The following HYCC1 variants were observed in gnomAD, a reference collection of about 807,000 sequenced individuals.
The protein encoded by HYCC1 is hyccin.
the HYCC1 span, among the ~76,000 whole-genome samples, chr7:22,947,930 T>C: frequency 2.2e-4 from 33 of 152,232 alleles, no homozygotes; most frequent in Non-Finnish European, 3.8e-4. Context: ...TTCAGACTCA[T>C]ACCAATTTCA....
the HYCC1 span, among the ~76,000 whole-genome samples, chr7:22,964,064 G>A: frequency 6.7e-6 from 1 of 150,174 alleles, no homozygotes; most frequent in African/African-American, 2.5e-5. Flanking sequence ...TCTGGCAATG[G>A]AAAAATATAT....
chr7:22,939,828 C>T, the HYCC1 span: 1 of 152,118 alleles, frequency 6.6e-6, no homozygotes, highest in Admixed American at 6.6e-5. Flanking sequence ...AATGGGGATT[C>T]TATGCACTTT....
At chr7:22,976,694 G>A in the HYCC1 span, 8 of 1,569,868 alleles carry the variant, frequency 5.1e-6, no homozygotes, top group East Asian at 2.2e-5. Context: ...ACAGTATACC[G>A]ATTCTGTGCT....
At chr7:23,004,800 CT>C in the HYCC1 span, among the ~76,000 whole-genome samples, 2 of 151,986 alleles carry the variant, frequency 1.3e-5, no homozygotes, top group Admixed American at 1.3e-4. Flanking sequence ...TCTTCTACTG[CT>C]TTTTTTGTTT....
chr7:22,960,317 A>C, the HYCC1 span: 26 of 1,613,818 alleles, frequency 1.6e-5, no homozygotes, highest in East Asian at 5.6e-4. Context: ...TTGATATTCG[A>C]GAGGAAGTTG....
the HYCC1 span, among the ~76,000 whole-genome samples, chr7:22,906,228 G>A: frequency 1.3e-5 from 2 of 152,050 alleles, no homozygotes; most frequent in African/African-American, 2.4e-5. Context: ...TAAAGAGGTG[G>A]CATTAAACAT....
the HYCC1 span, chr7:22,947,243 T>A: frequency 1.3e-6 from 2 of 1,549,178 alleles, no homozygotes; most frequent in East Asian, 2.4e-5. Flanking sequence ...TGTTGTCAGG[T>A]TGCTCTAGAA....
chr7:22,918,729 C>T, the HYCC1 span, among the ~76,000 whole-genome samples: 66 of 152,128 alleles, frequency 4.3e-4, no homozygotes, highest in African/African-American at 1.6e-3. Flanking sequence ...CTTGTGACCC[C>T]CCACCCCTGC....
the HYCC1 span, among the ~76,000 whole-genome samples, chr7:22,930,198 G>T: frequency 1.6e-5 from 2 of 124,814 alleles, no homozygotes; most frequent in African/African-American, 3.0e-5. Flanking sequence ...GTTGTGGGGT[G>T]GGGGGAGGGG....
the HYCC1 span, among the ~76,000 whole-genome samples, chr7:22,924,038 G>C: frequency 6.7e-6 from 1 of 149,686 alleles, no homozygotes; most frequent in Non-Finnish European, 1.5e-5. Context: ...AAATTAGCCA[G>C]TGCGGTGGTG....
At chr7:22,930,476 A>G in the HYCC1 span, among the ~76,000 whole-genome samples, 1 of 152,096 alleles carries the variant, frequency 6.6e-6, no homozygotes, top group East Asian at 1.9e-4. Flanking sequence ...AGTAATCAAA[A>G]AAAACTTTGC....
chr7:23,000,850 C>T, the HYCC1 span, among the ~76,000 whole-genome samples: 1 of 151,724 alleles, frequency 6.6e-6, no homozygotes, highest in African/African-American at 2.4e-5. Flanking sequence ...GAAGACAGAC[C>T]TCGGAGGACA....
the HYCC1 span, among the ~76,000 whole-genome samples, chr7:22,982,943 C>G: frequency 1.3e-5 from 2 of 152,188 alleles, no homozygotes; most frequent in Middle Eastern, 6.8e-3. Context: ...ACTTTTCATC[C>G]TATTTCCAAT....
chr7:22,922,058 GA>G, the HYCC1 span, among the ~76,000 whole-genome samples: 1 of 151,642 alleles, frequency 6.6e-6, no homozygotes, highest in Non-Finnish European at 1.5e-5. Flanking sequence ...ATTAGTAAAG[GA>G]AAAATAGAGG....
the HYCC1 span, chr7:22,936,025 C>T: frequency 6.7e-6 from 1 of 148,994 alleles, no homozygotes; most frequent in Non-Finnish European, 1.5e-5. Flanking sequence ...TACCTAGTTT[C>T]CCATGACTGA....
At chr7:22,983,760 G>A in the HYCC1 span, 1 of 565,754 alleles carries the variant, frequency 1.8e-6, no homozygotes, top group Non-Finnish European at 3.1e-6. Context: ...AATGTTCAGA[G>A]ATGGCTTCTG....
chr7:22,921,844 C>G, the HYCC1 span, among the ~76,000 whole-genome samples: 41 of 152,156 alleles, frequency 2.7e-4, no homozygotes, highest in African/African-American at 9.2e-4. Flanking sequence ...TGAAAAAAAT[C>G]CATGTACAAG....
At chr7:22,916,618 G>A in the HYCC1 span, among the ~76,000 whole-genome samples, 1 of 152,268 alleles carries the variant, frequency 6.6e-6, no homozygotes, top group East Asian at 1.9e-4. Context: ...TGACCCACAT[G>A]ATTGTATCTC....
chr7:22,972,823 AAG>A, the HYCC1 span, among the ~76,000 whole-genome samples: 436 of 152,334 alleles, frequency 2.9e-3, 2 homozygotes, highest in Non-Finnish European at 3.6e-3. Flanking sequence ...CAGGAAGGCA[AAG>A]CTTATAGTAA....
Sources: allele counts gnomAD v4.1 joint callset (sites outside exome capture counted in the v4.1 genomes callset), GRCh38; gene constraint gnomAD v4.1.1; transcripts MANE v1.5; gene names NCBI Gene and HGNC (gene_info 2026-07-23, HGNC 2026-07-21).